Variants in SH3PXD2A observed in about 807,000 individuals in gnomAD.
SH3PXD2A encodes SH3 and PX domain-containing protein 2A.
A neutral mutation model predicts 115.2 loss-of-function variants in SH3PXD2A; 32 were observed. The ratio of observed to expected loss-of-function variants is 0.28; its 90% CI spans 0.21 to 0.37. SH3PXD2A has a LOEUF of 0.37. Ranked by LOEUF, SH3PXD2A falls within the 10% of genes least tolerant of loss-of-function variation. The probability of loss-of-function intolerance (pLI) is 1.00; values close to 1 mark genes in which losing one functional copy is unlikely to be tolerated. For missense variants in SH3PXD2A, 1,328 were observed against 1,498.7 expected, an observed-to-expected ratio of 0.89 and a Z score of 1.88; for synonymous variants, 610 against 629.1, an observed-to-expected ratio of 0.97 and a Z score of 0.45.
intron 4 of SH3PXD2A, among the ~76,000 whole-genome samples, chr10:103,732,441 T>A (rs2134182076): frequency 6.6e-6 from 1 of 152,360 alleles, no homozygotes; most frequent in Middle Eastern, 3.4e-3. Context: ...CATAAAATGA[T>A]CACTCAGTCG....
chr10:103,728,864 T>C (rs905970091), intron 4 of SH3PXD2A, among the ~76,000 whole-genome samples: 1 of 150,750 alleles, frequency 6.6e-6, no homozygotes, highest in Non-Finnish European at 1.5e-5. Flanking sequence ...AGCTAGTAAG[T>C]AGCAAAGAGT....
At position 103,693,045 on chromosome 10, in the gene SH3PXD2A, C is replaced by T. The variant is rs769317587; in HGVS notation, c.410G>A (p.Ser137Asn). The change falls in exon 6 of 15, where the codon AGT (serine) becomes AAT (asparagine). Residue 137 changes from serine to asparagine, a missense_variant. Transcript: ENST00000369774. Reference sequence around the variant, plus strand: ...TCCCTTACCTGATTTCCTCTTGGAACTGCCATAGTCCCTGAAAAAGAAGCA... The same window carrying T: ...TCCCTTACCTGATTTCCTCTTGGAATTGCCATAGTCCCTGAAAAAGAAGCA... ...DVNPPKEDYGSSKRKSVWLSS... is the reference protein window; with the variant it reads ...DVNPPKEDYGNSKRKSVWLSS... 6.2e-7 allele frequency: 1 copy of T among 1,613,302 alleles called. No individual in the cohort carries two copies. Among genetic ancestry groups the T allele is most frequent in the Non-Finnish European group, 8.5e-7 (1 of 1,179,464 alleles).
chr10:103,753,683 A>G (rs2038606927), intron 3 of SH3PXD2A, among the ~76,000 whole-genome samples: 1 of 152,174 alleles, frequency 6.6e-6, no homozygotes, highest in Admixed American at 6.5e-5. Context: ...ACATAAGCAC[A>G]TGAATCCTTT....
Position 103,599,556 on chromosome 10 carries a change from CTTT to C in SH3PXD2A, c.*2257_*2259del, listed in dbSNP as rs1025839110. 1 of 152,494 alleles carries C rather than the reference CTTT, an allele frequency of 6.6e-6. No homozygotes were observed. The highest frequency in any genetic ancestry group is 1.5e-5 in the Non-Finnish European group (1 of 68,032). The allele number at this position is 152,494 out of a possible 1,614,324, so 9.4% of individuals were successfully genotyped here. On this transcript the variant is annotated 3_prime_UTR_variant, in exon 15 of 15. Transcript: ENST00000369774. ...TTTTATTTTAAATAGTCATAAATTA[CTTT>C]TTTTCTCTTAATAAATATGTGCTGT...
chr10:103,608,150 TAAAA>T (rs1554903074), intron 13 of SH3PXD2A, among the ~76,000 whole-genome samples: 3 of 32,670 alleles, frequency 9.2e-5, no homozygotes, highest in Non-Finnish European at 1.4e-4. Flanking sequence ...ATGATCAATT[TAAAA>T]AAAAAAAAAA....
intron 8 of SH3PXD2A, among the ~76,000 whole-genome samples, chr10:103,641,328 G>C (rs1305328324): frequency 6.6e-6 from 1 of 152,156 alleles, no homozygotes; most frequent in East Asian, 1.9e-4. Context: ...CTGGCAGTGA[G>C]GATGAGAAAG....
intron 7 of SH3PXD2A, among the ~76,000 whole-genome samples, chr10:103,662,423 C>T (rs1353875603): frequency 5.5e-5 from 6 of 109,828 alleles, no homozygotes; most frequent in African/African-American, 1.2e-4. Context: ...GACGGAGTCT[C>T]GCTCTGTCGC....
intron 11 of SH3PXD2A, among the ~76,000 whole-genome samples, chr10:103,613,781 G>A (rs1487826693): frequency 1.3e-5 from 2 of 152,186 alleles, no homozygotes; most frequent in Admixed American, 6.5e-5. Flanking sequence ...GGACAGACAT[G>A]TTGAGATCAA....
chr10:103,664,688 AC>A (rs1230986509), intron 7 of SH3PXD2A, among the ~76,000 whole-genome samples: 4 of 137,534 alleles, frequency 2.9e-5, no homozygotes, highest in Middle Eastern at 3.9e-3. Context: ...TTTTTTTGAG[AC>A]GGAGTCTTGC....
chr10:103,674,680 C>T (rs560237910), intron 6 of SH3PXD2A, among the ~76,000 whole-genome samples: 97 of 152,026 alleles, frequency 6.4e-4, no homozygotes, highest in Admixed American at 9.8e-4. Context: ...ATTAGCCAGG[C>T]GTGGTGGTGT....
intron 8 of SH3PXD2A, among the ~76,000 whole-genome samples, chr10:103,635,010 G>C (rs1186676314): frequency 6.6e-6 from 1 of 152,180 alleles, no homozygotes; most frequent in Non-Finnish European, 1.5e-5. Flanking sequence ...GGGTGGCCAG[G>C]TGGCATCTGT....
chr10:103,739,884 G>A (rs1436561773), intron 3 of SH3PXD2A, among the ~76,000 whole-genome samples: 1 of 152,216 alleles, frequency 6.6e-6, no homozygotes, highest in South Asian at 2.1e-4. Flanking sequence ...ACCAGCGAAG[G>A]AGTGGGGGCC....
intron 2 of SH3PXD2A, among the ~76,000 whole-genome samples, chr10:103,780,951 C>G (rs573593459): frequency 6.6e-6 from 1 of 152,178 alleles, no homozygotes; most frequent in Non-Finnish European, 1.5e-5. Flanking sequence ...TCTAGTCACA[C>G]GCCCTGCCAC....
chr10:103,760,963 T>A (rs1370857675), intron 3 of SH3PXD2A, among the ~76,000 whole-genome samples: 1 of 152,250 alleles, frequency 6.6e-6, no homozygotes, highest in Non-Finnish European at 1.5e-5. Context: ...TAAAAGATCA[T>A]GTGATTTGTT....
chr10:103,800,782 G>A (rs1428884953), intron 2 of SH3PXD2A, among the ~76,000 whole-genome samples: 1 of 152,178 alleles, frequency 6.6e-6, no homozygotes, highest in Admixed American at 6.5e-5. Context: ...CCACGTACAT[G>A]TACAAACTGG....
chr10:103,635,748 G>A (rs560344751), intron 8 of SH3PXD2A, among the ~76,000 whole-genome samples: 2 of 149,776 alleles, frequency 1.3e-5, no homozygotes, highest in South Asian at 2.1e-4. Context: ...TCCTTCCATC[G>A]GGCCATGTCT....
intron 3 of SH3PXD2A, among the ~76,000 whole-genome samples, chr10:103,766,692 T>C (rs542191864): frequency 1.1e-4 from 17 of 152,324 alleles, no homozygotes; most frequent in South Asian, 8.3e-4. Context: ...ACGTGAGGAC[T>C]GGAGGAGATC....
chr10:103,765,387 G>A (rs2038744008), intron 3 of SH3PXD2A, among the ~76,000 whole-genome samples: 1 of 152,204 alleles, frequency 6.6e-6, no homozygotes, highest in East Asian at 1.9e-4. Context: ...AAATTGCACA[G>A]TGGTACAGTC....
intron 3 of SH3PXD2A, among the ~76,000 whole-genome samples, chr10:103,761,995 C>T (rs529570577): frequency 6.9e-5 from 10 of 144,978 alleles, no homozygotes; most frequent in Non-Finnish European, 1.5e-4. Context: ...TAGGCACACA[C>T]TAGGAGCAAT....
Sources: gnomAD v4.1 joint callset for allele counts (sites outside exome capture counted in the v4.1 genomes callset) on GRCh38, gnomAD v4.1.1 for gene constraint, MANE v1.5 for transcripts, NCBI Gene and HGNC (gene_info 2026-07-23, HGNC 2026-07-21) for gene names.